The following TTC7A variants were observed in gnomAD, a reference collection of about 807,000 sequenced individuals.
TTC7A encodes tetratricopeptide repeat domain 7A, also known as tetratricopeptide repeat protein 7A.
TTC7A carries 110 observed loss-of-function variants against 103.7 expected under a neutral mutation model. The ratio of observed to expected loss-of-function variants is 1.06; its 90% CI spans 0.91 to 1.24. The LOEUF is 1.24. Ranked by LOEUF, TTC7A falls within the 50% of genes most tolerant of loss-of-function variation. The pLI is 0.00. For synonymous variants in TTC7A, 521 were observed against 467.9 expected (o/e 1.11, Z -1.47); for missense variants, 1,340 against 1,116.3 (o/e 1.20, Z -2.86).
rs751895973 is a variant in TTC7A, at chr2:47,073,863, C to T, written c.2517C>T (p.Ala839=). 3.1e-6 allele frequency: 5 copies of T among 1,613,588 alleles called. No individual in the cohort carries two copies. Among genetic ancestry groups the T allele is most frequent in the Non-Finnish European group, 4.2e-6 (5 of 1,180,034 alleles). The change falls in exon 20 of 20, where the codon GCC becomes GCT. Residue 839 remains alanine, a synonymous_variant. Coordinates refer to ENST00000319190, the MANE Select transcript of TTC7A (RefSeq NM_020458.4). ...NEAAVDCFLT[A]LELEASSPVL... ...CTGCCGTTGACTGCTTCCTCACCGCCCTTGAGCTGGAGGCCAGCAGCCCTG... is the reference window on the plus strand; with the variant it reads ...CTGCCGTTGACTGCTTCCTCACCGCTCTTGAGCTGGAGGCCAGCAGCCCTG...
chr2:47,047,281 A>G (rs1404283297), intron 16 of TTC7A: 5 of 1,549,236 alleles, frequency 3.2e-6, no homozygotes, highest in Non-Finnish European at 4.4e-6. Context: ...TTAGGAGCCC[A>G]GAAGGCTTCC....
chr2:47,025,599 T>A (rs1572948653), intron 14 of TTC7A, among the ~76,000 whole-genome samples: 1 of 152,222 alleles, frequency 6.6e-6, no homozygotes, highest in African/African-American at 2.4e-5. Flanking sequence ...CCTGTGTCTG[T>A]CCTGACCTGA....
At chr2:46,926,280 T>C (rs559008259) in intron 2 of TTC7A, among the ~76,000 whole-genome samples, 50 of 152,326 alleles carry the variant, frequency 3.3e-4, no homozygotes, top group African/African-American at 1.2e-3. Flanking sequence ...TTCCACACAC[T>C]GAGTATATGC....
At chr2:47,008,101 T>A (rs1405168282) in intron 10 of TTC7A, among the ~76,000 whole-genome samples, 1 of 152,106 alleles carries the variant, frequency 6.6e-6, no homozygotes, top group Non-Finnish European at 1.5e-5. Context: ...TGGGGCTGGA[T>A]CTTCCATGGA....
At position 47,021,822 on chromosome 2, in the gene TTC7A, C is replaced by G. The variant is rs781080534; in HGVS notation, c.1393-40C>G. 2.2e-5 allele frequency: 34 copies of G among 1,565,704 alleles called. 1 individual carries two copies. In the East Asian group the frequency reaches 7.6e-4, roughly 35 times the overall value. On this transcript the variant is annotated intron_variant, in intron 11 of 19. Transcript: ENST00000319190. ...GAGTCATTCACTGGTAGAGGAAACT[C>G]CAACCCCACCTCCATGACCTCTGTC...
chr2:46,986,672 C>A (rs2104333486), intron 5 of TTC7A, among the ~76,000 whole-genome samples: 1 of 152,296 alleles, frequency 6.6e-6, no homozygotes, highest in East Asian at 1.9e-4. Flanking sequence ...TGCTTCCTGC[C>A]TGAGCTCATT....
intron 5 of TTC7A, among the ~76,000 whole-genome samples, chr2:46,980,857 A>T (rs1674380798): frequency 1.3e-5 from 2 of 152,360 alleles, no homozygotes; most frequent in South Asian, 2.1e-4. Context: ...CATGGAACCC[A>T]GGAGAGCAGT....
intron 19 of TTC7A, among the ~76,000 whole-genome samples, chr2:47,067,669 C>A (rs958589418): frequency 1.3e-5 from 2 of 152,230 alleles, no homozygotes; most frequent in African/African-American, 2.4e-5. Flanking sequence ...CACTCACTGA[C>A]CAGGTTCTGT....
At chr2:46,970,338 A>G (rs751936195) in intron 3 of TTC7A, among the ~76,000 whole-genome samples, 2 of 152,174 alleles carry the variant, frequency 1.3e-5, no homozygotes, top group Admixed American at 6.5e-5. Flanking sequence ...GAGAAGCATG[A>G]TGGGGAGGCC....
chr2:47,023,368 G>T, intron 12 of TTC7A, 40 bp from the exon 13 acceptor site: 1 of 1,611,710 alleles, frequency 6.2e-7, no homozygotes. Context: ...GCACCCTTCA[G>T]TGACCCCTGA....
At chr2:46,916,852 C>T (rs1239326317) in intron 1 of TTC7A, among the ~76,000 whole-genome samples, 1 of 152,092 alleles carries the variant, frequency 6.6e-6, no homozygotes, top group South Asian at 2.1e-4. Context: ...CCAGGCTGGT[C>T]TCTAACTGCT....
chr2:46,941,672 G>T lies in TTC7A; in HGVS notation c.131G>T (p.Gly44Val). 6.4e-7 allele frequency: 1 copy of T among 1,551,918 alleles called. No individual in the cohort carries two copies. Among genetic ancestry groups the T allele is most frequent in the East Asian group, 2.4e-5 (1 of 41,170 alleles). ...RQLQTLSMPG[G>V]GGNRRGSPSA... ...CTGCAGACGCTGAGCATGCCCGGCGGCGGAGGTAACAGGCGAGGCAGCCCG... is the reference window on the plus strand; with the variant it reads ...CTGCAGACGCTGAGCATGCCCGGCGTCGGAGGTAACAGGCGAGGCAGCCCG... Residue 44 changes from glycine to valine, a missense_variant, in exon 1 of 20, where the codon GGC becomes GTC. Transcript: ENST00000319190. The surrounding 1 kb of genome is among the most constrained non-coding windows in gnomAD (Gnocchi z 4.2).
At chr2:47,024,599 C>G (rs985706412) in intron 14 of TTC7A, among the ~76,000 whole-genome samples, 2 of 152,144 alleles carry the variant, frequency 1.3e-5, no homozygotes, top group Non-Finnish European at 2.9e-5. Flanking sequence ...CTCACTCCCC[C>G]TACAACATTT....
At chr2:47,024,012 TG>T (rs1679598127) in intron 13 of TTC7A, among the ~76,000 whole-genome samples, 3 of 151,396 alleles carry the variant, frequency 2.0e-5, no homozygotes, top group Admixed American at 6.6e-5. Flanking sequence ...CTTTCTTCTT[TG>T]GGGTCTGTCA....
At chr2:46,968,934 G>T (rs1436468059) in intron 3 of TTC7A, among the ~76,000 whole-genome samples, 4 of 140,618 alleles carry the variant, frequency 2.8e-5, no homozygotes, top group African/African-American at 1.0e-4. Context: ...TTGTTTTTGT[G>T]TTTTTTTTTT....
chr2:46,995,847 T>C (rs1341187103), intron 8 of TTC7A, among the ~76,000 whole-genome samples: 2 of 152,226 alleles, frequency 1.3e-5, no homozygotes, highest in African/African-American at 2.4e-5. Flanking sequence ...GCTTACATTC[T>C]AGTAAAGGGA....
At chr2:47,057,376 C>G (rs1385855145) in intron 18 of TTC7A, among the ~76,000 whole-genome samples, 4 of 152,208 alleles carry the variant, frequency 2.6e-5, no homozygotes, top group Admixed American at 1.3e-4. Flanking sequence ...GGCGTGCTCT[C>G]TGGTGTGTGG....
At chr2:46,928,314 C>CA (rs1389900478) in intron 2 of TTC7A, among the ~76,000 whole-genome samples, 3 of 150,818 alleles carry the variant, frequency 2.0e-5, no homozygotes, top group Admixed American at 2.0e-4. Flanking sequence ...AAAAACATTA[C>CA]AAAAAAAAGA....
chr2:46,953,994 A>T (rs1239239006), intron 2 of TTC7A, among the ~76,000 whole-genome samples: 1 of 151,894 alleles, frequency 6.6e-6, no homozygotes, highest in Non-Finnish European at 1.5e-5. Context: ...AAGAAAGGTG[A>T]TCACAACCCA....
Sources: allele counts gnomAD v4.1 joint callset (sites outside exome capture counted in the v4.1 genomes callset), GRCh38; gene constraint gnomAD v4.1.1; non-coding constraint Gnocchi (gnomAD v3.1); transcripts MANE v1.5; gene names NCBI Gene and HGNC (gene_info 2026-07-23, HGNC 2026-07-21).